The following OPCML variants were observed in gnomAD, a reference collection of about 807,000 sequenced individuals.
The protein encoded by OPCML is opioid-binding protein/cell adhesion molecule.
A neutral mutation model predicts 37.8 loss-of-function variants in OPCML; 13 were observed. That is an observed-to-expected ratio of 0.34 (90% CI 0.22 to 0.55). The LOEUF (loss-of-function observed/expected upper bound fraction) is 0.55. OPCML is among the 20% of genes least tolerant of loss of function. OPCML has a pLI of 0.91. For synonymous variants in OPCML, 176 were observed against 168.8 expected (o/e 1.04, Z -0.33); for missense variants, 341 against 435.6 (o/e 0.78, Z 1.93).
At chr11:132,714,561 A>G (rs567713884) in intron 2 of OPCML, among the ~76,000 whole-genome samples, 11 of 150,222 alleles carry the variant, frequency 7.3e-5, no homozygotes, top group African/African-American at 2.5e-4. Flanking sequence ...TAGAAGTTAA[A>G]GTCAAAATAT....
At chr11:132,512,377 T>C (rs78052397) in intron 4 of OPCML, among the ~76,000 whole-genome samples, 31,711 of 151,890 alleles carry the variant, frequency 0.21, 3,413 homozygotes, top group Non-Finnish European at 0.23. Flanking sequence ...AAATTGTAAA[T>C]ATATGTCCAG....
intron 1 of OPCML, among the ~76,000 whole-genome samples, chr11:133,143,089 A>G (rs914004173): frequency 1.3e-5 from 2 of 152,154 alleles, no homozygotes; most frequent in South Asian, 2.1e-4. Flanking sequence ...GCCTTAGCAG[A>G]TGAGTCAGAC....
At chr11:133,421,825 G>T in intron 1 of OPCML, 2 of 935,654 alleles carry the variant, frequency 2.1e-6, no homozygotes, top group South Asian at 9.9e-5. Flanking sequence ...GCACCACAGA[G>T]CAGAAACAAG....
intron 1 of OPCML, among the ~76,000 whole-genome samples, chr11:133,235,474 G>T (rs1191749011): frequency 6.6e-6 from 1 of 152,124 alleles, no homozygotes; most frequent in Non-Finnish European, 1.5e-5. Flanking sequence ...GGGAAGGGAA[G>T]AAAAAAGCAA....
chr11:132,869,782 C>T (rs1942724378), intron 2 of OPCML, among the ~76,000 whole-genome samples: 1 of 152,274 alleles, frequency 6.6e-6, no homozygotes, highest in African/African-American at 2.4e-5. Context: ...AAGTGGGCCT[C>T]AGTGCATATG....
chr11:132,769,188 T>G (rs1946556204), intron 2 of OPCML, among the ~76,000 whole-genome samples: 2 of 151,846 alleles, frequency 1.3e-5, no homozygotes, highest in Non-Finnish European at 2.9e-5. Flanking sequence ...CTGAAAGAAG[T>G]GATAACTATG....
intron 2 of OPCML, among the ~76,000 whole-genome samples, chr11:132,916,714 A>C (rs1310097693): frequency 1.3e-5 from 2 of 152,166 alleles, no homozygotes; most frequent in Non-Finnish European, 2.9e-5. Context: ...AGTAAAGAGA[A>C]TGTCATAGAA....
chr11:133,048,710 A>G (rs536204470), intron 1 of OPCML, among the ~76,000 whole-genome samples: 70 of 152,342 alleles, frequency 4.6e-4, no homozygotes, highest in African/African-American at 1.5e-3. Context: ...GATAGAGCTG[A>G]TACAGAGAGA....
In OPCML at chr11:133,369,779, T is replaced by G. The variant is rs541204400; in HGVS notation, c.61+162485A>C. ...TTCTTAAGCTTTCTAGTATAGTAAA[T>G]AAAACAACAATACAAGGTAAAGAAT... is the stretch of plus-strand genomic sequence containing the variant. On this transcript the variant is annotated intron_variant, in intron 1 of 7. Coordinates refer to ENST00000524381, the MANE Select transcript of OPCML (RefSeq NM_001012393.5). Among the ~76,000 whole-genome samples the G allele has an allele frequency of 1.5e-4, 23 of 152,178 alleles. No individual in the cohort carries two copies. The East Asian group carries it at 4.4e-3, about 29-fold the overall frequency.
chr11:133,261,651 C>T (rs971042393), intron 1 of OPCML, among the ~76,000 whole-genome samples: 20 of 152,188 alleles, frequency 1.3e-4, no homozygotes, highest in African/African-American at 4.8e-4. Context: ...GCTGTCATAT[C>T]CTCGGTGTAT....
chr11:133,396,484 G>A (rs940459465), intron 1 of OPCML, among the ~76,000 whole-genome samples: 1 of 152,058 alleles, frequency 6.6e-6, no homozygotes, highest in East Asian at 1.9e-4. Context: ...TGTCCACTTT[G>A]CTATTATCAT....
chr11:132,572,252 C>A (rs73036870), intron 3 of OPCML, among the ~76,000 whole-genome samples: 3,661 of 152,020 alleles, frequency 0.024, 114 homozygotes, highest in East Asian at 0.055. Flanking sequence ...GATTCCTTTG[C>A]TTTGCTTTTT....
chr11:132,717,103 T>C (rs1048997449), intron 2 of OPCML, among the ~76,000 whole-genome samples: 1 of 152,072 alleles, frequency 6.6e-6, no homozygotes, highest in Non-Finnish European at 1.5e-5. Context: ...ATAACCACAA[T>C]AGTACTGTAC....
intron 3 of OPCML, among the ~76,000 whole-genome samples, chr11:132,599,417 AGG>A (rs1937689196): frequency 2.3e-5 from 3 of 130,792 alleles, no homozygotes; most frequent in Non-Finnish European, 4.8e-5. Context: ...AGGAGGAAGA[AGG>A]AGGAAGAAGG....
chr11:132,447,238 T>C (rs2096057745), intron 4 of OPCML, among the ~76,000 whole-genome samples: 1 of 152,220 alleles, frequency 6.6e-6, no homozygotes, highest in Non-Finnish European at 1.5e-5. Context: ...TTTCCTGAGC[T>C]GGGTGGACCC....
intron 2 of OPCML, among the ~76,000 whole-genome samples, chr11:132,718,543 T>A (rs1268162677): frequency 6.6e-6 from 1 of 151,672 alleles, no homozygotes; most frequent in Non-Finnish European, 1.5e-5. Flanking sequence ...GTGGGGTGAG[T>A]TCCCTAGGTC....
At chr11:132,687,495 A>C (rs550349935) in intron 2 of OPCML, among the ~76,000 whole-genome samples, 1 of 146,580 alleles carries the variant, frequency 6.8e-6, no homozygotes, top group South Asian at 2.2e-4. Flanking sequence ...CATAAATCCG[A>C]TCTTCTTCTG....
intron 1 of OPCML, among the ~76,000 whole-genome samples, chr11:133,367,448 G>C (rs1184184918): frequency 6.6e-6 from 1 of 152,204 alleles, no homozygotes; most frequent in African/African-American, 2.4e-5. Context: ...AATGGTCCCA[G>C]CATCGGATCT....
At chr11:133,213,976 T>C (rs188374638) in intron 1 of OPCML, among the ~76,000 whole-genome samples, 2 of 152,306 alleles carry the variant, frequency 1.3e-5, no homozygotes, top group East Asian at 1.9e-4. Flanking sequence ...TTTTAGATCA[T>C]CAGATGTATG....
Sources: allele counts gnomAD v4.1 joint callset (sites outside exome capture counted in the v4.1 genomes callset), GRCh38; gene constraint gnomAD v4.1.1; transcripts MANE v1.5; gene names NCBI Gene and HGNC (gene_info 2026-07-23, HGNC 2026-07-21).